SUGCT: variants seen among roughly 807,000 people sequenced by gnomAD.
SUGCT encodes the protein succinyl-CoA:glutarate CoA-transferase.
In SUGCT, 41 loss-of-function variants were observed where a neutral mutation model predicts 55.0. The ratio of observed to expected loss-of-function variants is 0.74; its 90% CI spans 0.58 to 0.97. The LOEUF (loss-of-function observed/expected upper bound fraction) is 0.97, where lower values mean the gene tolerates loss of function less well. Ranked by LOEUF, SUGCT falls within the 50% of genes least tolerant of loss-of-function variation. SUGCT has a pLI of 0.00. For missense variants in SUGCT, 568 were observed against 547.8 expected (o/e 1.04, Z -0.37); for synonymous variants, 187 against 200.4 (o/e 0.93, Z 0.56).
chr7:40,953,089 C>A, the SUGCT span, among the ~76,000 whole-genome samples: 1 of 152,310 alleles, frequency 6.6e-6, no homozygotes, highest in Admixed American at 6.5e-5. Flanking sequence ...TCAGTTACAC[C>A]AATCAGACGT....
At position 40,548,365 on chromosome 7, in the gene SUGCT, A is replaced by G. The variant is rs527772569; in HGVS notation, c.1089+51979A>G. Among the ~76,000 whole-genome samples, 272 of 151,806 alleles carry G rather than the reference A, an allele frequency of 1.8e-3. 2 individuals carry two copies. The highest frequency in any genetic ancestry group is 6.2e-3 in the African/African-American group (258 of 41,412). ...CATGGCACACTGCTAATTTTTTAAAATTTTTAACGGTTTTTGTAAGACAGG... is the reference window on the plus strand; with the variant it reads ...CATGGCACACTGCTAATTTTTTAAAGTTTTTAACGGTTTTTGTAAGACAGG... On this transcript the variant is annotated intron_variant, in intron 12 of 13. Transcript: ENST00000335693.
intron 9 of SUGCT, among the ~76,000 whole-genome samples, chr7:40,367,764 G>A (rs1167945673): frequency 2.6e-5 from 4 of 151,978 alleles, no homozygotes; most frequent in African/African-American, 9.7e-5. Flanking sequence ...CTCTCCCTTA[G>A]AATATTGCAG....
chr7:40,961,395 C>T, the SUGCT span, among the ~76,000 whole-genome samples: 2 of 152,154 alleles, frequency 1.3e-5, no homozygotes, highest in Non-Finnish European at 2.9e-5. Flanking sequence ...TGACCAAAGA[C>T]TCCAGATAAC....
At chr7:40,389,386 A>G (rs993676055) in intron 9 of SUGCT, among the ~76,000 whole-genome samples, 1 of 152,088 alleles carries the variant, frequency 6.6e-6, no homozygotes, top group Admixed American at 6.6e-5. Context: ...CAGGAGGCAG[A>G]GGTTGCAGTG....
intron 13 of SUGCT, among the ~76,000 whole-genome samples, chr7:40,787,799 A>T (rs998218119): frequency 1.9e-4 from 29 of 152,056 alleles, no homozygotes; most frequent in Non-Finnish European, 4.1e-4. Context: ...ACAGGAAAAA[A>T]CGGCAGCCCC....
chr7:40,824,344 A>T (rs189653377), intron 13 of SUGCT, among the ~76,000 whole-genome samples: 1 of 152,298 alleles, frequency 6.6e-6, no homozygotes, highest in East Asian at 1.9e-4. Context: ...AAAGGATTAT[A>T]TAAAGGTAAA....
chr7:40,288,366 G>A (rs1283604861), intron 8 of SUGCT, among the ~76,000 whole-genome samples: 1 of 152,058 alleles, frequency 6.6e-6, no homozygotes, highest in African/African-American at 2.4e-5. Context: ...TTTTGTGGTT[G>A]CCAGGCTGCT....
chr7:40,565,265 C>A (rs112235359), intron 12 of SUGCT, among the ~76,000 whole-genome samples: 1 of 152,138 alleles, frequency 6.6e-6, no homozygotes, highest in Non-Finnish European at 1.5e-5. Context: ...AGGAAACCTC[C>A]TTTCTGTTGA....
chr7:40,872,808 T>G, the SUGCT span, among the ~76,000 whole-genome samples: 2 of 152,198 alleles, frequency 1.3e-5, no homozygotes, highest in African/African-American at 4.8e-5. Flanking sequence ...AGTAGAGTGT[T>G]TACAAAGTTA....
At chr7:40,657,589 C>T (rs1801083172) in intron 12 of SUGCT, among the ~76,000 whole-genome samples, 2 of 151,866 alleles carry the variant, frequency 1.3e-5, no homozygotes, top group African/African-American at 4.8e-5. Context: ...GGCTGGGGTG[C>T]AATGGCGCAG....
chr7:40,960,740 T>A, the SUGCT span, among the ~76,000 whole-genome samples: 2 of 152,258 alleles, frequency 1.3e-5, no homozygotes, highest in African/African-American at 2.4e-5. Flanking sequence ...AAATATTTCA[T>A]ATAAATTTCT....
At chr7:40,267,487 T>G (rs561435207) in intron 7 of SUGCT, among the ~76,000 whole-genome samples, 1 of 152,348 alleles carries the variant, frequency 6.6e-6, no homozygotes, top group Admixed American at 6.5e-5. Flanking sequence ...TAACAAGGTT[T>G]GTGAATTACC....
chr7:40,651,729 T>C (rs930005774), intron 12 of SUGCT, among the ~76,000 whole-genome samples: 14 of 152,170 alleles, frequency 9.2e-5, no homozygotes, highest in African/African-American at 3.4e-4. Flanking sequence ...CTTGGTTTTA[T>C]GGGTTTTATC....
At chr7:40,240,316 T>A (rs1231407171) in intron 7 of SUGCT, among the ~76,000 whole-genome samples, 3 of 152,144 alleles carry the variant, frequency 2.0e-5, no homozygotes, top group Non-Finnish European at 4.4e-5. Context: ...AAACCCCATC[T>A]GTACTAAAAA....
intron 13 of SUGCT, among the ~76,000 whole-genome samples, chr7:40,803,598 A>T (rs530066607): frequency 5.4e-4 from 83 of 152,312 alleles, no homozygotes; most frequent in African/African-American, 1.9e-3. Flanking sequence ...GAAGGAAACA[A>T]GAGTTCACCA....
intron 1 of SUGCT, among the ~76,000 whole-genome samples, chr7:40,159,882 T>C (rs1179546854): frequency 6.6e-6 from 1 of 152,168 alleles, no homozygotes; most frequent in Non-Finnish European, 1.5e-5. Flanking sequence ...ATGTAAATAG[T>C]CTTCAGTGAA....
intron 1 of SUGCT, among the ~76,000 whole-genome samples, chr7:40,139,154 A>G: frequency 6.6e-6 from 1 of 151,236 alleles, no homozygotes. Flanking sequence ...AAATAAATAA[A>G]TAAATAAATA....
chr7:40,444,246 C>T lies in SUGCT; in HGVS notation c.817-5041C>T, dbSNP rs546839458. ...CATATGAACTTTAAAGTAGTTTTTTCCAATTCTGTGAAGAAAGTCATTGGT... is the reference window on the plus strand; with the variant it reads ...CATATGAACTTTAAAGTAGTTTTTTTCAATTCTGTGAAGAAAGTCATTGGT... On this transcript the variant is annotated intron_variant, in intron 9 of 13. Coordinates refer to ENST00000335693, the MANE Select transcript of SUGCT (RefSeq NM_001193313.2). Among the ~76,000 whole-genome samples, 10 of 152,142 alleles carry T rather than the reference C, an allele frequency of 6.6e-5. No individual in the cohort carries two copies. The East Asian group carries it at 1.9e-3, about 29-fold the overall frequency.
chr7:40,206,024 AG>A (rs2150779029), intron 6 of SUGCT, among the ~76,000 whole-genome samples: 1 of 152,318 alleles, frequency 6.6e-6, no homozygotes, highest in South Asian at 2.1e-4. Context: ...CTTGGAGACT[AG>A]GGACCAGTAA....
Sources: allele counts gnomAD v4.1 joint callset (sites outside exome capture counted in the v4.1 genomes callset), GRCh38; gene constraint gnomAD v4.1.1; transcripts MANE v1.5; gene names NCBI Gene and HGNC (gene_info 2026-07-23, HGNC 2026-07-21).